Variants in PHACTR1 observed in about 807,000 individuals in gnomAD.
PHACTR1 encodes the protein RPEL repeat containing 1.
In PHACTR1, 16 loss-of-function variants were observed where a neutral mutation model predicts 69.2. That is an observed-to-expected ratio of 0.23 (90% CI 0.16 to 0.35). The LOEUF (loss-of-function observed/expected upper bound fraction) is 0.35, where lower values mean the gene tolerates loss of function less well. Among genes scored for constraint, PHACTR1 ranks in the 10% least tolerant of loss-of-function variants. The probability of loss-of-function intolerance (pLI) is 1.00; values close to 1 mark genes in which losing one functional copy is unlikely to be tolerated. For missense variants in PHACTR1, 510 were observed against 734.7 expected (o/e 0.69, Z 3.54); for synonymous variants, 312 against 284.5 (o/e 1.10, Z -0.97).
chr6:12,782,977 G>A (rs1293237579), intron 4 of PHACTR1, among the ~76,000 whole-genome samples: 1 of 152,172 alleles, frequency 6.6e-6, no homozygotes, highest in Non-Finnish European at 1.5e-5. Context: ...CATTTACCAT[G>A]TTCAGTTATG....
intron 10 of PHACTR1, among the ~76,000 whole-genome samples, chr6:13,256,366 C>T (rs1325605700): frequency 3.3e-5 from 5 of 152,234 alleles, no homozygotes; most frequent in Non-Finnish European, 4.4e-5. Context: ...CAGGTCTTTT[C>T]CCCATTGTCT....
At chr6:12,878,051 A>G (rs1468150206) in intron 4 of PHACTR1, among the ~76,000 whole-genome samples, 1 of 152,220 alleles carries the variant, frequency 6.6e-6, no homozygotes, top group Non-Finnish European at 1.5e-5. Context: ...TTGTCAGCTA[A>G]GTGTTCATTG....
At chr6:12,798,039 G>GACACACAAACACACACACAC (rs1554140546) in intron 4 of PHACTR1, among the ~76,000 whole-genome samples, 1 of 137,786 alleles carries the variant, frequency 7.3e-6, no homozygotes, top group African/African-American at 2.8e-5. Context: ...TCATTTCCTA[G>GACACACAAACACACACACAC]ACACACACAC....
intron 4 of PHACTR1, among the ~76,000 whole-genome samples, chr6:12,768,415 A>G (rs945575315): frequency 6.6e-6 from 1 of 152,110 alleles, no homozygotes; most frequent in Non-Finnish European, 1.5e-5. Flanking sequence ...CGCCCGGCCC[A>G]AATCCTTTTT....
chr6:13,226,779 C>T (rs1489492976), intron 8 of PHACTR1, among the ~76,000 whole-genome samples: 3 of 148,418 alleles, frequency 2.0e-5, no homozygotes, highest in African/African-American at 7.5e-5. Context: ...CGCTCTGTTG[C>T]CAGGCTGGAG....
intron 5 of PHACTR1, among the ~76,000 whole-genome samples, chr6:13,091,619 A>G (rs1202454705): frequency 6.6e-6 from 1 of 152,176 alleles, no homozygotes; most frequent in Non-Finnish European, 1.5e-5. Context: ...ATTGTAATAT[A>G]TAATGAAATA....
Position 13,063,331 on chromosome 6 carries a change from C to T in PHACTR1, c.415+9802C>T, listed in dbSNP as rs988815683. Among the ~76,000 whole-genome samples, 22 of 152,224 alleles carry T rather than the reference C, an allele frequency of 1.4e-4. No individual in the cohort carries two copies. The South Asian group carries it at 1.7e-3, about 11-fold the overall frequency. ...GAGAGCTTGAAGGAGACAAGCCCAA[C>T]TGAGTGGCAAGTTACTGGGAAAGGT... On this transcript the variant is annotated intron_variant, in intron 5 of 14. Coordinates refer to ENST00000332995, the MANE Select transcript of PHACTR1 (RefSeq NM_030948.6).
At chr6:13,137,795 T>C (rs1373086838) in intron 5 of PHACTR1, among the ~76,000 whole-genome samples, 1 of 152,212 alleles carries the variant, frequency 6.6e-6, no homozygotes, top group African/African-American at 2.4e-5. Context: ...GAAAAATATG[T>C]CTGTTGGGCT....
At chr6:12,720,845 C>T (rs1197821087) in intron 3 of PHACTR1, among the ~76,000 whole-genome samples, 2 of 152,212 alleles carry the variant, frequency 1.3e-5, no homozygotes, top group Non-Finnish European at 2.9e-5. Context: ...TCCACCTAAT[C>T]CCGTTTTCTC....
chr6:12,767,423 G>A (rs1249090622), intron 4 of PHACTR1, among the ~76,000 whole-genome samples: 1 of 152,210 alleles, frequency 6.6e-6, no homozygotes, highest in Non-Finnish European at 1.5e-5. Flanking sequence ...AGACACATGT[G>A]TTTTTTAAGC....
At chr6:12,973,246 A>G (rs1794452604) in intron 4 of PHACTR1, among the ~76,000 whole-genome samples, 1 of 152,074 alleles carries the variant, frequency 6.6e-6, no homozygotes, top group South Asian at 2.1e-4. Flanking sequence ...TAAGCTCAAA[A>G]CCTTTTCTTT....
rs1815939506 is a variant in PHACTR1 at position 13,105,398 on chromosome 6, G to A, written c.415+51869G>A. On this transcript the variant is annotated intron_variant, in intron 5 of 14. Transcript: ENST00000332995. The stretch of plus-strand genomic sequence containing the variant: ...TGTCTCTGGCGTGTGTGTCGGGGGC[G>A]GGGTGGGGGTGTGGAGGGAAGTATG... 2.6e-5 allele frequency among the ~76,000 whole-genome samples: 4 copies of A among 152,146 alleles called. 1 individual carries two copies. The South Asian group carries it at 6.2e-4, about 24-fold the overall frequency.
At chr6:12,910,379 G>T (rs562877036) in intron 4 of PHACTR1, among the ~76,000 whole-genome samples, 1 of 152,134 alleles carries the variant, frequency 6.6e-6, no homozygotes, top group African/African-American at 2.4e-5. Flanking sequence ...AAGCATAATC[G>T]TAGGAGGATA....
chr6:12,749,361 G>C (rs1766235760), intron 3 of PHACTR1: 2 of 509,010 alleles, frequency 3.9e-6, no homozygotes, highest in Non-Finnish European at 7.7e-6. Flanking sequence ...AGAGGAGTCT[G>C]GGGGAGCCCC....
chr6:12,784,519 C>T (rs1771272029), intron 4 of PHACTR1, among the ~76,000 whole-genome samples: 1 of 151,388 alleles, frequency 6.6e-6, no homozygotes, highest in African/African-American at 2.4e-5. Flanking sequence ...TATCTAGACA[C>T]ACATATACAT....
chr6:12,856,839 A>G (rs1780424079), intron 4 of PHACTR1, among the ~76,000 whole-genome samples: 1 of 152,216 alleles, frequency 6.6e-6, no homozygotes, highest in Non-Finnish European at 1.5e-5. Flanking sequence ...AGAAGTACCC[A>G]GAGGATTGTC....
At chr6:13,262,058 T>C (rs1775989982) in intron 10 of PHACTR1, among the ~76,000 whole-genome samples, 1 of 152,192 alleles carries the variant, frequency 6.6e-6, no homozygotes, top group African/African-American at 2.4e-5. Context: ...TGTGATCAGA[T>C]CGGTCCCTTA....
At chr6:12,857,362 G>A (rs370902874) in intron 4 of PHACTR1, among the ~76,000 whole-genome samples, 7 of 151,930 alleles carry the variant, frequency 4.6e-5, no homozygotes, top group Middle Eastern at 6.8e-3. Flanking sequence ...CTGTAGTCCC[G>A]GCACTGTGGG....
intron 4 of PHACTR1, among the ~76,000 whole-genome samples, chr6:12,894,170 CT>C (rs1414564461): frequency 6.6e-6 from 1 of 152,150 alleles, no homozygotes; most frequent in African/African-American, 2.4e-5. Context: ...TTTTGAGACT[CT>C]AATATCTCAA....
Sources: gnomAD v4.1 joint callset for allele counts (sites outside exome capture counted in the v4.1 genomes callset) on GRCh38, gnomAD v4.1.1 for gene constraint, MANE v1.5 for transcripts, NCBI Gene and HGNC (gene_info 2026-07-23, HGNC 2026-07-21) for gene names.